NFRKB: variants seen among roughly 807,000 people sequenced by gnomAD.
The protein encoded by NFRKB is nuclear factor related to kappa-B-binding protein.
NFRKB carries 62 observed loss-of-function variants against 135.7 expected under a neutral mutation model. The ratio of observed to expected loss-of-function variants is 0.46; its 90% CI spans 0.37 to 0.56. NFRKB has a LOEUF of 0.56. Ranked by LOEUF, NFRKB falls within the 20% of genes least tolerant of loss-of-function variation. NFRKB has a pLI of 0.00. For missense variants in NFRKB, 1,545 were observed against 1,662.0 expected, an observed-to-expected ratio of 0.93 and a Z score of 1.22; for synonymous variants, 678 against 635.6, an observed-to-expected ratio of 1.07 and a Z score of -1.00.
At chr11:129,887,452 G>A (rs1026968109) in intron 4 of NFRKB, among the ~76,000 whole-genome samples, 3 of 152,192 alleles carry the variant, frequency 2.0e-5, no homozygotes, top group African/African-American at 7.2e-5. Flanking sequence ...TGTGCCTCCT[G>A]AGGTGACACA....
Position 129,874,421 on chromosome 11 carries a change from C to T in NFRKB, c.2058+80G>A, listed in dbSNP as rs1400632504. On this transcript the variant is annotated intron_variant, in intron 20 of 26. Transcript: ENST00000682444. This position sits in a 1 kb window ranked among gnomAD's most constrained non-coding sequence, Gnocchi z 4.5. ...CCCCTACAGCTCCTGATGCCCCACA[C>T]CAAGTGAAAGCCGAGCAGCCACTCT... The T allele has an allele frequency of 1.9e-6, 3 of 1,554,156 alleles. No homozygotes were observed. Among genetic ancestry groups the T allele is most frequent in the East Asian group, 2.2e-5 (1 of 44,494 alleles).
In NFRKB at chr11:129,894,398, T is replaced by C. The variant is rs1949684495; in HGVS notation, c.-61A>G. On this transcript the variant is annotated 5_prime_UTR_variant, in exon 2 of 27. Transcript: ENST00000682444. The stretch of plus-strand genomic sequence containing the variant: ...ATTTCCTTATTTGAGGAAGGGAAGC[T>C]GGACCAGGTCCTCCCTCCCGTTATT... 1.3e-5 allele frequency: 2 copies of C among 152,252 alleles called. No individual in the cohort carries two copies. The highest frequency in any genetic ancestry group is 4.1e-4 in the South Asian group (2 of 4,832). 9.4% of individuals were successfully genotyped at this position (152,252 alleles called of 1,614,324 possible). A position where few individuals can be genotyped will look rare whatever the true frequency, so the allele number is the denominator to read the frequency against.
chr11:129,890,254 A>G (rs1949495438), intron 3 of NFRKB, among the ~76,000 whole-genome samples: 1 of 152,226 alleles, frequency 6.6e-6, no homozygotes, highest in South Asian at 2.1e-4. Flanking sequence ...AACGTATCAA[A>G]AACACCTCAG....
At position 129,864,436 on chromosome 11, in the gene NFRKB, A is replaced by G; in HGVS notation, c.*289T>C. The G allele has an allele frequency of 2.8e-6, 1 of 358,234 alleles. No individual in the cohort carries two copies. The highest frequency in any genetic ancestry group is 5.3e-6 in the Non-Finnish European group (1 of 189,890). The allele number at this position is 358,234 out of a possible 1,614,324, so 22.2% of individuals were successfully genotyped here. A position where few individuals can be genotyped will look rare whatever the true frequency, so the allele number is the denominator to read the frequency against. ...AGCCTTCCCTGGGGGTCTTACTCTCAGAACTCTGGCTTGTTGGACGTAACT... is the reference window on the plus strand; with the variant it reads ...AGCCTTCCCTGGGGGTCTTACTCTCGGAACTCTGGCTTGTTGGACGTAACT... On this transcript the variant is annotated 3_prime_UTR_variant, in exon 27 of 27. Transcript: ENST00000682444.
chr11:129,864,602 C>G lies in NFRKB; in HGVS notation c.*123G>C. On this transcript the variant is annotated 3_prime_UTR_variant, in exon 27 of 27. Coordinates refer to ENST00000682444, the MANE Select transcript of NFRKB (RefSeq NM_001143835.2). The stretch of plus-strand genomic sequence containing the variant: ...AGGCCACGAATCCAGGCCACCGTTG[C>G]CATCACCCCTCGCCTGGCTGCCTTG... 1 of 1,381,150 alleles carries G rather than the reference C, an allele frequency of 7.2e-7. No individual in the cohort carries two copies. Among genetic ancestry groups the G allele is most frequent in the South Asian group, 1.3e-5 (1 of 75,544 alleles). 85.6% of individuals were successfully genotyped at this position (1,381,150 alleles called of 1,614,324 possible).
intron 24 of NFRKB, among the ~76,000 whole-genome samples, chr11:129,867,078 C>G (rs1045064597): frequency 6.6e-6 from 1 of 152,140 alleles, no homozygotes; most frequent in South Asian, 2.1e-4. Context: ...CAGTACACTG[C>G]CTAGAATGAT....
At position 129,885,625 on chromosome 11, in the gene NFRKB, G is replaced by A. The variant is rs762352592; in HGVS notation, c.466-16C>T. ...CCAGCAGATCCTAGGTAGAGATCAGGTGGGGGTACAAGTCATCATCCAAGA... is the reference window on the plus strand; with the variant it reads ...CCAGCAGATCCTAGGTAGAGATCAGATGGGGGTACAAGTCATCATCCAAGA... On this transcript the variant is annotated splice_polypyrimidine_tract_variant and intron_variant, in intron 5 of 26. Transcript: ENST00000682444. 1.4e-5 allele frequency: 23 copies of A among 1,596,222 alleles called. 1 individual carries two copies. In the East Asian group the frequency reaches 1.8e-4, roughly 12 times the overall value.
At chr11:129,895,263 G>A (rs1949721063) in intron 1 of NFRKB, among the ~76,000 whole-genome samples, 1 of 152,124 alleles carries the variant, frequency 6.6e-6, no homozygotes, top group East Asian at 1.9e-4. Flanking sequence ...GTGCCAGCCC[G>A]GCTGGCCCAA....
At chr11:129,878,237 T>C (rs148339894) in intron 15 of NFRKB, 72 bp downstream of exon 15, 53 of 1,506,424 alleles carry the variant, frequency 3.5e-5, no homozygotes, top group Non-Finnish European at 4.9e-5. Context: ...CCAAGAAGTA[T>C]TAACAAAACC....
intron 9 of NFRKB, 44 bp from the exon 10 acceptor site, chr11:129,882,675 C>T: frequency 1.3e-6 from 2 of 1,578,948 alleles, no homozygotes; most frequent in Non-Finnish European, 1.7e-6. Context: ...GTATCTCCTA[C>T]ACAGGGAAGT....
Position 129,885,617 on chromosome 11 carries a change from GAGATC to G in NFRKB, c.466-13_466-9del. The G allele has an allele frequency of 3.7e-6, 6 of 1,601,396 alleles. No individual in the cohort carries two copies. The highest frequency in any genetic ancestry group is 5.1e-6 in the Non-Finnish European group (6 of 1,170,960). On this transcript the variant is annotated splice_polypyrimidine_tract_variant and intron_variant, in intron 5 of 26. Transcript: ENST00000682444. The stretch of plus-strand genomic sequence containing the variant: ...GGCCATCTCCAGCAGATCCTAGGTA[GAGATC>G]AGGTGGGGGTACAAGTCATCATCCA...
At chr11:129,888,281 A>C in intron 4 of NFRKB, 1 of 591,946 alleles carries the variant, frequency 1.7e-6, no homozygotes, top group South Asian at 2.1e-5. Context: ...GCTCTTTTTA[A>C]AATTTTTTAA....
chr11:129,875,865 C>T (rs1591495987), intron 17 of NFRKB, among the ~76,000 whole-genome samples: 1 of 151,976 alleles, frequency 6.6e-6, no homozygotes, highest in Admixed American at 6.6e-5. Flanking sequence ...TCACGTTGAC[C>T]AGGCTGGTCT....
At chr11:129,882,701 C>T in intron 9 of NFRKB, 70 bp from the exon 10 acceptor site, 1 of 1,462,982 alleles carries the variant, frequency 6.8e-7, no homozygotes, top group Non-Finnish European at 9.3e-7. Flanking sequence ...GTCTTATCTG[C>T]ATATTCTTTT....
intron 10 of NFRKB, 128 bp downstream of exon 10, chr11:129,882,323 A>T (rs1404581321): frequency 1.7e-5 from 23 of 1,340,648 alleles, no homozygotes; most frequent in Non-Finnish European, 2.2e-5. Flanking sequence ...TTTTCCCAGC[A>T]GTATCCCTGG....
intron 4 of NFRKB, among the ~76,000 whole-genome samples, chr11:129,886,788 A>G (rs1949300274): frequency 6.6e-6 from 1 of 152,198 alleles, no homozygotes; most frequent in Non-Finnish European, 1.5e-5. Context: ...TTCGGGGGAA[A>G]CATGCCAGCA....
rs748153315 is a variant in NFRKB at position 129,882,533 on chromosome 11, C to A, written c.1000G>T (p.Ala334Ser). 9 of 1,613,948 alleles carry A rather than the reference C, an allele frequency of 5.6e-6. No individual in the cohort carries two copies. In the African/African-American group the frequency reaches 1.2e-4, roughly 22 times the overall value. ...KTIKSEAEDL[A>S]EPLSSTEGVA... is the part of the protein sequence containing the mutation. ...CCTTCAGTACTGCTTAGCGGCTCGG[C>A]CAGGTCCTCTGCCTCTGATTTGATC... Residue 334 changes from alanine (A) to serine (S), a missense_variant, in exon 10 of 27, where the codon GCC (alanine) becomes TCC (serine). Ala to Ser is a moderately conservative substitution (Grantham distance 99, BLOSUM62 1). This residue lies in a region of NFRKB where 678 missense variants were observed against 646.7 expected (regional missense o/e 1.05). Coordinates refer to ENST00000682444, the MANE Select transcript of NFRKB (RefSeq NM_001143835.2).
rs375129248 is a variant in NFRKB, at chr11:129,877,370, C to T, written c.1527G>A (p.Val509=). The change falls in exon 16 of 27, where the codon GTG becomes GTA. Residue 509 remains valine, a synonymous_variant. Transcript: ENST00000682444. The part of the protein sequence containing the change: ...TPVPRVRTDY[V]VRPSTGEEKR... Reference sequence around the variant, plus strand: ...TCTCCTCCCCCGTGCTGGGACGCACCACATAGTCAGTTCTTCTGGAATATA... The same window carrying T: ...TCTCCTCCCCCGTGCTGGGACGCACTACATAGTCAGTTCTTCTGGAATATA... 2.3e-5 allele frequency: 37 copies of T among 1,614,066 alleles called. No individual in the cohort carries two copies. In the African/African-American group the frequency reaches 4.9e-4, roughly 22 times the overall value.
At chr11:129,868,492 T>C (rs767704672) in intron 24 of NFRKB, among the ~76,000 whole-genome samples, 5 of 152,234 alleles carry the variant, frequency 3.3e-5, no homozygotes, top group Non-Finnish European at 7.3e-5. Context: ...CACATGTGGA[T>C]GTGGCCTTTC....
Sources: allele counts gnomAD v4.1 joint callset (sites outside exome capture counted in the v4.1 genomes callset), GRCh38; gene constraint gnomAD v4.1.1; regional missense constraint gnomAD v4.1.1; non-coding constraint Gnocchi (gnomAD v3.1); transcripts MANE v1.5; gene names NCBI Gene and HGNC (gene_info 2026-07-23, HGNC 2026-07-21).